ZNF723: variants seen among roughly 807,000 people sequenced by gnomAD.
The protein encoded by ZNF723 is zinc finger protein 723.
In ZNF723, 5 loss-of-function variants were observed where a neutral mutation model predicts 9.4. The ratio of observed to expected loss-of-function variants is 0.53; its 90% CI spans 0.28 to 1.12. ZNF723 has a LOEUF of 1.12. Among genes scored for constraint, ZNF723 ranks in the 50% most tolerant of loss-of-function variants. ZNF723 has a pLI of 0.10. For missense variants in ZNF723, 450 were observed against 501.5 expected, an observed-to-expected ratio of 0.90 and a Z score of 0.98; for synonymous variants, 158 against 168.8, an observed-to-expected ratio of 0.94 and a Z score of 0.49.
chr19:22,849,423 T>TA, intron 3 of ZNF723, 130 bp downstream of exon 3: 1 of 436,162 alleles, frequency 2.3e-6, no homozygotes, highest in African/African-American at 2.0e-5. Context: ...CCTGAGAGTT[T>TA]AAAAAATTTT....
At chr19:22,840,866 T>A (rs1260176489) in intron 1 of ZNF723, 1 of 152,250 alleles carries the variant, frequency 6.6e-6, no homozygotes, top group African/African-American at 2.4e-5. Flanking sequence ...ATTCCCATTA[T>A]CGTGAAGGTG....
chr19:22,829,474 A>G (rs971882514), upstream of ZNF723, among the ~76,000 whole-genome samples: 1 of 151,978 alleles, frequency 6.6e-6, no homozygotes, highest in Non-Finnish European at 1.5e-5. Flanking sequence ...TTGTAGAGAC[A>G]GAGTTTTACC....
intron 1 of ZNF723, among the ~76,000 whole-genome samples, chr19:22,835,076 T>G: frequency 6.6e-6 from 1 of 151,378 alleles, no homozygotes; most frequent in Admixed American, 6.6e-5. Flanking sequence ...GTTGTTTTTT[T>G]TTTTTTGAGA....
intron 1 of ZNF723, among the ~76,000 whole-genome samples, chr19:22,838,427 C>T (rs1012257325): frequency 2.0e-5 from 3 of 152,000 alleles, no homozygotes; most frequent in Non-Finnish European, 4.4e-5. Context: ...TGGCACACGC[C>T]TGTAATCCCA....
the ZNF723 span, among the ~76,000 whole-genome samples, chr19:22,813,818 G>GTT: frequency 2.8e-4 from 41 of 144,278 alleles, no homozygotes; most frequent in African/African-American, 4.3e-4. Context: ...AAACTTTTTT[G>GTT]TTTTTTTTTT....
At chr19:22,836,267 A>G (rs1222414931) in intron 1 of ZNF723, among the ~76,000 whole-genome samples, 1 of 152,172 alleles carries the variant, frequency 6.6e-6, no homozygotes, top group Non-Finnish European at 1.5e-5. Context: ...CCTCAGGCAG[A>G]CGCAGTTAAG....
At chr19:22,828,137 T>G (rs1381883813), upstream of ZNF723, among the ~76,000 whole-genome samples, 1 of 152,186 alleles carries the variant, frequency 6.6e-6, no homozygotes, top group Non-Finnish European at 1.5e-5. Context: ...CTCTCAAAAA[T>G]TATAAATGTT....
chr19:22,817,832 C>T, the ZNF723 span, among the ~76,000 whole-genome samples: 1 of 152,130 alleles, frequency 6.6e-6, no homozygotes, highest in African/African-American at 2.4e-5. Context: ...CACTGTCTCA[C>T]ATGTCATATA....
At chr19:22,843,399 C>T (rs1389588792) in intron 1 of ZNF723, among the ~76,000 whole-genome samples, 1 of 152,170 alleles carries the variant, frequency 6.6e-6, no homozygotes, top group Non-Finnish European at 1.5e-5. Context: ...TGCTCCTCCC[C>T]TTACACAAGA....
chr19:22,825,737 C>A, the ZNF723 span, among the ~76,000 whole-genome samples: 5 of 152,274 alleles, frequency 3.3e-5, no homozygotes, highest in African/African-American at 1.2e-4. Context: ...GCCCAGCACC[C>A]AGGTGAAGTG....
intron 1 of ZNF723, among the ~76,000 whole-genome samples, chr19:22,844,771 A>C (rs552441324): frequency 6.6e-6 from 1 of 152,144 alleles, no homozygotes; most frequent in African/African-American, 2.4e-5. Flanking sequence ...TGCTTTCTCT[A>C]ATGCTAATAA....
the ZNF723 span, among the ~76,000 whole-genome samples, chr19:22,813,451 G>A: frequency 6.6e-6 from 1 of 152,102 alleles, no homozygotes; most frequent in Non-Finnish European, 1.5e-5. Flanking sequence ...ACTGGGCCTT[G>A]CATCCAAGTA....
chr19:22,821,295 A>G, the ZNF723 span, among the ~76,000 whole-genome samples: 2 of 152,162 alleles, frequency 1.3e-5, no homozygotes, highest in Admixed American at 6.5e-5. Context: ...TAAAGCCTCA[A>G]AATGGAATTG....
At chr19:22,839,979 G>C (rs552517680) in intron 1 of ZNF723, among the ~76,000 whole-genome samples, 2 of 150,246 alleles carry the variant, frequency 1.3e-5, no homozygotes, top group African/African-American at 4.9e-5. Flanking sequence ...GTTTTTCCTT[G>C]TAAATTTATT....
the ZNF723 span, among the ~76,000 whole-genome samples, chr19:22,813,610 G>T: frequency 6.6e-6 from 1 of 151,678 alleles, no homozygotes; most frequent in African/African-American, 2.4e-5. Flanking sequence ...GCATTGTGGC[G>T]GGTGTCTGTA....
intron 1 of ZNF723, among the ~76,000 whole-genome samples, chr19:22,835,123 C>T (rs1463482090): frequency 6.7e-6 from 1 of 148,928 alleles, no homozygotes; most frequent in East Asian, 2.0e-4. Flanking sequence ...TTACTGTATC[C>T]TCTGCCTTCC....
intron 1 of ZNF723, among the ~76,000 whole-genome samples, chr19:22,839,746 A>T (rs1967216790): frequency 6.6e-6 from 1 of 152,068 alleles, no homozygotes; most frequent in African/African-American, 2.4e-5. Flanking sequence ...AAGTGCTAGG[A>T]TTACAGGCAT....
chr19:22,857,118 TTG>T lies in ZNF723; in HGVS notation c.233_234del (p.Cys78PhefsTer31), dbSNP rs1360574486. The T allele has an allele frequency of 7.5e-6, 7 of 938,378 alleles. No individual in the cohort carries two copies. Among genetic ancestry groups the T allele is most frequent in the Non-Finnish European group, 1.1e-5 (7 of 629,436 alleles). The allele number at this position is 938,378 out of a possible 1,614,324, so 58.1% of individuals were successfully genotyped here. A position where few individuals can be genotyped will look rare whatever the true frequency, so the allele number is the denominator to read the frequency against. On this transcript the variant is annotated frameshift_variant and splice_region_variant, in exon 4 of 4. Transcript: ENST00000600766. LOFTEE classifies it low-confidence loss of function (END_TRUNC). Reference sequence around the variant, plus strand: ...AATTTGTTATTTCTATTTTTTTCAGTTGTGTGTTCTCATTTTGCCCAAGACCT... The same window carrying T: ...AATTTGTTATTTCTATTTTTTTCAGTTGTGTTCTCATTTTGCCCAAGACCT...
the ZNF723 span, among the ~76,000 whole-genome samples, chr19:22,814,760 T>C: frequency 6.6e-6 from 1 of 152,188 alleles, no homozygotes. Context: ...TTAACCTTTC[T>C]GCCTGGGCCC....
Sources: allele counts gnomAD v4.1 joint callset (sites outside exome capture counted in the v4.1 genomes callset), GRCh38; gene constraint gnomAD v4.1.1; transcripts MANE v1.5; gene names NCBI Gene and HGNC (gene_info 2026-07-23, HGNC 2026-07-21).